Variants in SNTG2 observed in about 807,000 individuals in gnomAD.
The protein encoded by SNTG2 is syntrophin gamma 2.
Under a neutral mutation model 70.9 loss-of-function variants are expected in SNTG2, and 74 were observed. That is an observed-to-expected ratio of 1.04 (90% CI 0.86 to 1.27). The LOEUF (loss-of-function observed/expected upper bound fraction) is 1.27. SNTG2 is among the 50% of genes most tolerant of loss of function. SNTG2 has a pLI of 0.00. For missense variants in SNTG2, 717 were observed against 690.7 expected (o/e 1.04, Z -0.43); for synonymous variants, 278 against 273.8 (o/e 1.02, Z -0.15).
intron 1 of SNTG2, among the ~76,000 whole-genome samples, chr2:972,099 A>T (rs1189139799): frequency 1.3e-5 from 2 of 152,176 alleles, no homozygotes; most frequent in Non-Finnish European, 2.9e-5. Flanking sequence ...TGCAGATGAG[A>T]ATAATGTATA....
chr2:1,339,835 G>A (rs1336509346), intron 16 of SNTG2, among the ~76,000 whole-genome samples: 2 of 152,232 alleles, frequency 1.3e-5, no homozygotes, highest in Non-Finnish European at 2.9e-5. Flanking sequence ...AAGATGGTCA[G>A]GTGGGGGAAA....
chr2:1,119,080 T>G (rs1244070809), intron 4 of SNTG2, among the ~76,000 whole-genome samples: 1 of 152,200 alleles, frequency 6.6e-6, no homozygotes, highest in East Asian at 1.9e-4. Flanking sequence ...AGTGGATTTC[T>G]CAGCAGAAAA....
intron 1 of SNTG2, among the ~76,000 whole-genome samples, chr2:979,294 C>G (rs2147964994): frequency 6.6e-6 from 1 of 152,180 alleles, no homozygotes; most frequent in Non-Finnish European, 1.5e-5. Context: ...TGCAGCATTC[C>G]CCAGTATTTA....
intron 10 of SNTG2, among the ~76,000 whole-genome samples, chr2:1,239,395 T>A (rs1408906468): frequency 5.3e-5 from 8 of 152,226 alleles, no homozygotes; most frequent in Non-Finnish European, 1.0e-4. Flanking sequence ...GTGATCACCG[T>A]AATTACCATC....
intron 1 of SNTG2, among the ~76,000 whole-genome samples, chr2:1,001,767 C>T (rs965598961): frequency 2.0e-5 from 3 of 151,860 alleles, no homozygotes; most frequent in Non-Finnish European, 4.4e-5. Flanking sequence ...AAAAAAAGTC[C>T]TAAAATCCAT....
At chr2:1,314,429 G>A (rs149316501) in intron 15 of SNTG2, among the ~76,000 whole-genome samples, 206 of 152,348 alleles carry the variant, frequency 1.4e-3, no homozygotes, top group Non-Finnish European at 2.3e-3. Flanking sequence ...GTGCTTTGGC[G>A]CTGCCTAGGC....
intron 16 of SNTG2, among the ~76,000 whole-genome samples, chr2:1,362,839 C>A (rs13382449): frequency 3.5e-5 from 5 of 141,578 alleles, no homozygotes; most frequent in Non-Finnish European, 7.8e-5. Context: ...GTAGAACTTC[C>A]ATGGAAGTTA....
At chr2:951,589 C>T (rs1165690012) in intron 1 of SNTG2, among the ~76,000 whole-genome samples, 4 of 152,250 alleles carry the variant, frequency 2.6e-5, no homozygotes, top group African/African-American at 7.2e-5. Flanking sequence ...GGGACGCCAA[C>T]TGGGTAATAC....
At chr2:1,098,111 G>T in intron 2 of SNTG2, 85 bp from the exon 3 acceptor site, 1 of 1,440,576 alleles carries the variant, frequency 6.9e-7, no homozygotes, top group Non-Finnish European at 9.7e-7. Flanking sequence ...ACGTATTTGG[G>T]TTTAAATGAA....
intron 1 of SNTG2, among the ~76,000 whole-genome samples, chr2:955,404 T>G (rs887456631): frequency 6.6e-6 from 1 of 152,226 alleles, no homozygotes; most frequent in African/African-American, 2.4e-5. Flanking sequence ...AATATCGTGC[T>G]TATTGGCCTC....
intron 1 of SNTG2, among the ~76,000 whole-genome samples, chr2:1,011,234 G>A (rs899929331): frequency 4.5e-4 from 68 of 152,226 alleles, no homozygotes; most frequent in African/African-American, 1.6e-3. Context: ...GGAGCAGGGC[G>A]GAGCCACATA....
chr2:1,252,518 T>C (rs1327963822), intron 12 of SNTG2, among the ~76,000 whole-genome samples: 1 of 152,186 alleles, frequency 6.6e-6, no homozygotes, highest in Non-Finnish European at 1.5e-5. Context: ...ACACTGGAAA[T>C]GCAATTTGGT....
intron 1 of SNTG2, among the ~76,000 whole-genome samples, chr2:963,379 T>C (rs903217771): frequency 5.9e-5 from 9 of 152,144 alleles, no homozygotes; most frequent in African/African-American, 1.4e-4. Context: ...TTTAACTTTA[T>C]CATATTTATA....
At chr2:1,124,585 C>T (rs149510922) in intron 4 of SNTG2, among the ~76,000 whole-genome samples, 2,190 of 152,212 alleles carry the variant, frequency 0.014, 66 homozygotes, top group African/African-American at 0.05. Context: ...CGTGAGCCAC[C>T]GCGCCCGGCC....
chr2:1,332,491 C>A (rs555172828), intron 16 of SNTG2, among the ~76,000 whole-genome samples: 1 of 152,228 alleles, frequency 6.6e-6, no homozygotes, highest in Non-Finnish European at 1.5e-5. Flanking sequence ...AAACTACAGA[C>A]AATATATCTG....
chr2:1,162,040 C>T lies in SNTG2; in HGVS notation c.412-3508C>T, dbSNP rs113460665. Among the ~76,000 whole-genome samples, 307 of 143,268 alleles carry T rather than the reference C, an allele frequency of 2.1e-3. 2 individuals are homozygous for T. Among genetic ancestry groups the T allele is most frequent in the African/African-American group, 7.7e-3 (293 of 37,820 alleles). The allele number at this position is 143,268 out of a possible 152,430, so 94.0% of individuals were successfully genotyped here. ...AGTGGGCCCAGATGGCGCCACTGCACTCCAGCCTGGGCGACAGTGAGACTC... is the reference window on the plus strand; with the variant it reads ...AGTGGGCCCAGATGGCGCCACTGCATTCCAGCCTGGGCGACAGTGAGACTC... On this transcript the variant is annotated intron_variant, in intron 6 of 16. Coordinates refer to ENST00000308624, the MANE Select transcript of SNTG2 (RefSeq NM_018968.4).
chr2:1,011,923 T>C (rs1659739892), intron 1 of SNTG2, among the ~76,000 whole-genome samples: 1 of 152,234 alleles, frequency 6.6e-6, no homozygotes, highest in African/African-American at 2.4e-5. Context: ...CACTTGTATA[T>C]AGGCATGCAT....
intron 6 of SNTG2, among the ~76,000 whole-genome samples, chr2:1,151,827 G>C (rs543315322): frequency 3.3e-5 from 5 of 152,128 alleles, no homozygotes; most frequent in Admixed American, 2.6e-4. Context: ...TCCTCATAGC[G>C]ACTGGAGAAA....
intron 4 of SNTG2, 77 bp from the exon 5 acceptor site, chr2:1,137,545 G>C (rs1668473578): frequency 9.3e-6 from 14 of 1,511,960 alleles, no homozygotes; most frequent in Non-Finnish European, 1.2e-5. Flanking sequence ...TGCAAGCCCT[G>C]TGCTTAAATG....
Sources: gnomAD v4.1 joint callset for allele counts (sites outside exome capture counted in the v4.1 genomes callset) on GRCh38, gnomAD v4.1.1 for gene constraint, MANE v1.5 for transcripts, NCBI Gene and HGNC (gene_info 2026-07-23, HGNC 2026-07-21) for gene names.